Variants in SLC47A2 observed in about 807,000 individuals in gnomAD.
SLC47A2 encodes solute carrier family 47 member 2, also known as multidrug and toxin extrusion protein 2.
A neutral mutation model predicts 67.7 loss-of-function variants in SLC47A2; 52 were observed. The ratio of observed to expected loss-of-function variants is 0.77; its 90% CI spans 0.61 to 0.97. SLC47A2 has a LOEUF of 0.97. Among genes scored for constraint, SLC47A2 ranks in the 50% least tolerant of loss-of-function variants. SLC47A2 has a pLI of 0.00. For missense variants in SLC47A2, 676 were observed against 712.3 expected, an observed-to-expected ratio of 0.95 and a Z score of 0.58; for synonymous variants, 278 against 292.9, an observed-to-expected ratio of 0.95 and a Z score of 0.52.
At chr17:19,700,783 C>T (rs1365401640) in intron 13 of SLC47A2, among the ~76,000 whole-genome samples, 2 of 130,812 alleles carry the variant, frequency 1.5e-5, no homozygotes, top group African/African-American at 5.7e-5. Context: ...AAAAAAAAAG[C>T]AAAGCTATTC....
At chr17:19,696,126 C>T (rs2085657384) in intron 13 of SLC47A2, among the ~76,000 whole-genome samples, 1 of 151,718 alleles carries the variant, frequency 6.6e-6, no homozygotes, top group Admixed American at 6.6e-5. Flanking sequence ...TTAAGGTAGG[C>T]CCTAATCCAA....
intron 8 of SLC47A2, 46 bp downstream of exon 8, chr17:19,707,700 C>T (rs1202914219): frequency 6.6e-6 from 10 of 1,520,474 alleles, no homozygotes; most frequent in East Asian, 2.4e-5. Flanking sequence ...TAGGGCAGCA[C>T]CACCGCTGGC....
At chr17:19,714,869 G>T in intron 2 of SLC47A2, 80 bp from the exon 3 acceptor site, 4 of 1,584,834 alleles carry the variant, frequency 2.5e-6, no homozygotes, top group Non-Finnish European at 3.5e-6. Context: ...CTGAGCCAGG[G>T]TCAGGAAATG....
At position 19,702,591 on chromosome 17, in the gene SLC47A2, A is replaced by C. The variant is rs778992097; in HGVS notation, c.1164+14T>G. On this transcript the variant is annotated intron_variant, in intron 13 of 16. Coordinates refer to ENST00000433844, the MANE Select transcript of SLC47A2 (RefSeq NM_001099646.3). Reference sequence around the variant, plus strand: ...GTCCCAGGGAGTCAGGCTTTGGATCAAAGTGGTACTTACACAGATGGCCTC... The same window carrying C: ...GTCCCAGGGAGTCAGGCTTTGGATCCAAGTGGTACTTACACAGATGGCCTC... The C allele has an allele frequency of 6.2e-7, 1 of 1,613,578 alleles. No individual in the cohort carries two copies. Among genetic ancestry groups the C allele is most frequent in the African/African-American group, 1.3e-5 (1 of 74,936 alleles).
Position 19,707,815 on chromosome 17 carries a change from G to A in SLC47A2, c.658C>T (p.Gln220Ter). 1.2e-6 allele frequency: 2 copies of A among 1,604,054 alleles called. No individual in the cohort carries two copies. The highest frequency in any genetic ancestry group is 1.7e-6 in the Non-Finnish European group (2 of 1,175,398). The change falls in exon 8 of 17, where the codon CAG becomes TAG. Residue 220 changes from glutamine to a stop codon, truncating the protein, a stop_gained. Transcript: ENST00000433844. LOFTEE classifies it high-confidence loss of function. Reference sequence around the variant, plus strand: ...AGGAGGAAGACGGTCTGTGCAAACTGGGAGATGATGTTGGCATAGGCGGAG... The same window carrying A: ...AGGAGGAAGACGGTCTGTGCAAACTAGGAGATGATGTTGGCATAGGCGGAG... ...RGSAYANIIS[Q>*]FAQTVFLLLY... is the part of the protein sequence containing the mutation.
chr17:19,690,063 A>G (rs1378001957), intron 13 of SLC47A2, among the ~76,000 whole-genome samples: 1 of 152,192 alleles, frequency 6.6e-6, no homozygotes, highest in Admixed American at 6.5e-5. Context: ...GTACTGGCAT[A>G]AAAATAGACA....
Position 19,708,294 on chromosome 17 carries a change from G to A in SLC47A2, c.629+8C>T, listed in dbSNP as rs760514798. The A allele has an allele frequency of 2.5e-5, 40 of 1,612,110 alleles. 1 individual carries two copies. In the South Asian group the frequency reaches 2.5e-4, roughly 10 times the overall value. Reference sequence around the variant, plus strand: ...CCCTGACCAGGCCCCACCAGCCCCCGGGCTCACCTGACCCCCAGGTTCAGC... The same window carrying A: ...CCCTGACCAGGCCCCACCAGCCCCCAGGCTCACCTGACCCCCAGGTTCAGC... On this transcript the variant is annotated splice_region_variant and intron_variant, in intron 7 of 16. Coordinates refer to ENST00000433844, the MANE Select transcript of SLC47A2 (RefSeq NM_001099646.3).
intron 13 of SLC47A2, among the ~76,000 whole-genome samples, chr17:19,688,918 T>A (rs1006379503): frequency 6.7e-6 from 1 of 149,834 alleles, no homozygotes; most frequent in African/African-American, 2.5e-5. Context: ...CAGACTGGAG[T>A]GCAATGGTGC....
intron 13 of SLC47A2, among the ~76,000 whole-genome samples, chr17:19,700,356 A>C (rs2085756029): frequency 6.6e-6 from 1 of 152,248 alleles, no homozygotes; most frequent in Non-Finnish European, 1.5e-5. Context: ...CTGCACATAC[A>C]CAAGCCCTCA....
intron 13 of SLC47A2, chr17:19,702,126 A>G: frequency 1.3e-5 from 13 of 983,636 alleles, no homozygotes; most frequent in Non-Finnish European, 1.4e-5. Context: ...AAAAAAAATT[A>G]CATAATTCAA....
chr17:19,702,186 C>A (rs2085802784), intron 13 of SLC47A2: 1 of 985,088 alleles, frequency 1.0e-6, no homozygotes, highest in Admixed American at 6.2e-5. Flanking sequence ...AGCAGAAAGT[C>A]CAGTTCCTTC....
At chr17:19,692,376 A>G in intron 13 of SLC47A2, 2 of 386,222 alleles carry the variant, frequency 5.2e-6, no homozygotes, top group Admixed American at 4.0e-5. Flanking sequence ...ACTGCTGACC[A>G]TAAAGAAGAA....
At chr17:19,682,559 TCTC>T (rs1221998917) in intron 13 of SLC47A2, among the ~76,000 whole-genome samples, 3 of 152,066 alleles carry the variant, frequency 2.0e-5, no homozygotes, top group African/African-American at 7.2e-5. Flanking sequence ...CAGCCTCACA[TCTC>T]CTCTGACTCT....
At chr17:19,689,518 G>A (rs986128278) in intron 13 of SLC47A2, among the ~76,000 whole-genome samples, 37 of 151,970 alleles carry the variant, frequency 2.4e-4, no homozygotes, top group African/African-American at 7.7e-4. Context: ...GCAACATGGC[G>A]AAACCCTGTC....
At chr17:19,715,319 C>A in intron 1 of SLC47A2, 102 bp from the exon 2 acceptor site, 1 of 1,016,038 alleles carries the variant, frequency 9.8e-7, no homozygotes, top group Non-Finnish European at 1.5e-6. Flanking sequence ...CACCAGTGCC[C>A]CGAGAGGTCA....
At position 19,711,709 on chromosome 17, in the gene SLC47A2, G is replaced by A. The variant is rs188615222; in HGVS notation, c.486+994C>T. ...TATGCTAGTGGAAGTTTTTGCTGGT[G>A]GGAGTAGAAATTGGTAGTTTGGCAA... On this transcript the variant is annotated intron_variant, in intron 5 of 16. Transcript: ENST00000433844. 5.3e-5 allele frequency among the ~76,000 whole-genome samples: 8 copies of A among 151,976 alleles called. No homozygotes were observed. In the East Asian group the frequency reaches 1.2e-3, roughly 22 times the overall value.
In SLC47A2 at chr17:19,685,080, G is replaced by T. The variant is rs909758686; in HGVS notation, c.1165-3410C>A. Among the ~76,000 whole-genome samples the T allele has an allele frequency of 2.4e-4, 37 of 152,074 alleles. No individual in the cohort carries two copies. The highest frequency in any genetic ancestry group is 8.9e-4 in the African/African-American group (37 of 41,390). ...GGGCTGGCCTCCAGCTCCTAGCCTC[G>T]GGTGAAGTGCCCGCCTCGGCCTCCT... On this transcript the variant is annotated intron_variant, in intron 13 of 16. Transcript: ENST00000433844. This position sits in a 1 kb window ranked among gnomAD's most constrained non-coding sequence, Gnocchi z 4.5.
chr17:19,704,074 G>T lies in SLC47A2; in HGVS notation c.1014C>A (p.Ser338Arg). The change falls in exon 11 of 17, where the codon AGC (serine) becomes AGA (arginine). Residue 338 changes from serine to arginine, a missense_variant. Physicochemically the swap from Ser to Arg is moderately radical, Grantham distance 110 (BLOSUM62 -1). Coordinates refer to ENST00000433844, the MANE Select transcript of SLC47A2 (RefSeq NM_001099646.3). ...AKRSAVSGVLSIVGISLVLGT... is the reference protein window; with the variant it reads ...AKRSAVSGVLRIVGISLVLGT... ...CCAGGAGAGGACTCCACCTACCTAT[G>T]CTGAGCACGCCCGAGACGGCCGAGC... The T allele has an allele frequency of 6.2e-7, 1 of 1,607,052 alleles. No individual in the cohort carries two copies.
chr17:19,714,957 A>G (rs2086210384), intron 2 of SLC47A2, 159 bp downstream of exon 2: 9 of 1,236,396 alleles, frequency 7.3e-6, no homozygotes, highest in Middle Eastern at 2.3e-4. Context: ...GACCGCCTCC[A>G]TCTCCGGCCC....
Sources: allele counts gnomAD v4.1 joint callset (sites outside exome capture counted in the v4.1 genomes callset), GRCh38; gene constraint gnomAD v4.1.1; non-coding constraint Gnocchi (gnomAD v3.1); transcripts MANE v1.5; gene names NCBI Gene and HGNC (gene_info 2026-07-23, HGNC 2026-07-21).